NHLRC2: variants seen among roughly 807,000 people sequenced by gnomAD.
NHLRC2 encodes the protein NHL repeat containing 2, also known as NHL repeat-containing protein 2.
NHLRC2 carries 33 observed loss-of-function variants against 68.1 expected under a neutral mutation model. The ratio of observed to expected loss-of-function variants is 0.48; its 90% CI spans 0.37 to 0.65. The LOEUF (loss-of-function observed/expected upper bound fraction) is 0.65. NHLRC2 is among the 30% of genes least tolerant of loss of function. The pLI, the probability that NHLRC2 is intolerant of heterozygous loss-of-function variation, is 0.00. For synonymous variants in NHLRC2, 311 were observed against 309.6 expected, an observed-to-expected ratio of 1.00 and a Z score of -0.05; for missense variants, 761 against 853.8, an observed-to-expected ratio of 0.89 and a Z score of 1.35.
rs1258132070 is a variant in NHLRC2, at chr10:113,908,348, A to G, written c.1993A>G (p.Ile665Val). The part of the protein sequence containing the change: ...DIENISSQPT[I>V]SLQIPDDCLS... ...AGAGAACATTTCCAGTCAACCAACA[A>G]TTTCACTACAAATTCCTGATGATTG... is the stretch of plus-strand genomic sequence containing the variant. Residue 665 changes from isoleucine to valine, a missense_variant, in exon 11 of 11, where the codon ATT becomes GTT. Coordinates refer to ENST00000369301, the MANE Select transcript of NHLRC2 (RefSeq NM_198514.4). 1.9e-6 allele frequency: 3 copies of G among 1,613,822 alleles called. No individual in the cohort carries two copies. The highest frequency in any genetic ancestry group is 1.3e-5 in the African/African-American group (1 of 75,042).
intron 2 of NHLRC2, among the ~76,000 whole-genome samples, chr10:113,861,989 C>T (rs539575233): frequency 9.9e-5 from 15 of 152,164 alleles, no homozygotes; most frequent in Non-Finnish European, 1.9e-4. Flanking sequence ...TGTCCTGCCT[C>T]AGCCTCCCAA....
chr10:113,901,032 A>G (rs1201499307), intron 6 of NHLRC2, among the ~76,000 whole-genome samples: 4 of 152,224 alleles, frequency 2.6e-5, no homozygotes, highest in Non-Finnish European at 4.4e-5. Flanking sequence ...TTCCTTAAAT[A>G]GAAATTTCCC....
chr10:113,878,562 C>G (rs1237733710), intron 3 of NHLRC2, among the ~76,000 whole-genome samples: 4 of 152,114 alleles, frequency 2.6e-5, no homozygotes, highest in African/African-American at 9.7e-5. Flanking sequence ...GAGTCTCACT[C>G]TGTTGCCCAG....
chr10:113,889,116 T>C (rs1458044117), intron 5 of NHLRC2, among the ~76,000 whole-genome samples: 1 of 152,060 alleles, frequency 6.6e-6, no homozygotes, highest in Admixed American at 6.6e-5. Context: ...TATGAGCCAC[T>C]GCGCCCAGCC....
At chr10:113,889,487 A>G (rs1846112742) in intron 5 of NHLRC2, among the ~76,000 whole-genome samples, 1 of 152,232 alleles carries the variant, frequency 6.6e-6, no homozygotes, top group Non-Finnish European at 1.5e-5. Context: ...TTTTGTTAAA[A>G]TAAGTTATAT....
intron 2 of NHLRC2, among the ~76,000 whole-genome samples, chr10:113,873,883 A>G (rs932906445): frequency 6.6e-6 from 1 of 152,178 alleles, no homozygotes; most frequent in East Asian, 1.9e-4. Context: ...TGCCTTGCAT[A>G]TCTTTTTCTA....
At chr10:113,872,027 C>T (rs952921702) in intron 2 of NHLRC2, among the ~76,000 whole-genome samples, 2 of 152,124 alleles carry the variant, frequency 1.3e-5, no homozygotes, top group Non-Finnish European at 2.9e-5. Flanking sequence ...ACAGAATAGT[C>T]TCCTTACCCC....
At chr10:113,879,797 C>A in intron 4 of NHLRC2, 102 bp downstream of exon 4, 1 of 725,450 alleles carries the variant, frequency 1.4e-6, no homozygotes, top group Non-Finnish European at 2.2e-6. Flanking sequence ...TTATGTATGT[C>A]AATGTCCTTG....
intron 2 of NHLRC2, among the ~76,000 whole-genome samples, chr10:113,869,642 C>T (rs558589168): frequency 2.6e-5 from 4 of 152,230 alleles, no homozygotes; most frequent in Admixed American, 2.6e-4. Context: ...TCACATCTCA[C>T]TTCAGTCATC....
intron 6 of NHLRC2, 121 bp downstream of exon 6, chr10:113,898,330 C>A: frequency 1.7e-6 from 1 of 572,418 alleles, no homozygotes; most frequent in Non-Finnish European, 3.2e-6. Flanking sequence ...TGCCATAGCA[C>A]ACAACGCAGA....
chr10:113,898,149 T>C lies in NHLRC2; in HGVS notation c.1079T>C (p.Met360Thr), dbSNP rs1283504669. The change falls in exon 6 of 11, where the codon ATG becomes ACG. Residue 360 changes from methionine to threonine, a missense_variant. Physicochemically the swap from Met to Thr is moderately conservative, Grantham distance 81. Transcript: ENST00000369301. ...VQRGDILWIA[M>T]AGTHQIWALL... ...AGAGGTGACATTTTATGGATAGCCA[T>C]GGCAGGGACTCATCAGATATGGGCA... The C allele has an allele frequency of 1.2e-6, 2 of 1,612,938 alleles. No homozygotes were observed. Among genetic ancestry groups the C allele is most frequent in the African/African-American group, 2.7e-5 (2 of 74,924 alleles).
chr10:113,898,399 G>A (rs900184267), intron 6 of NHLRC2, among the ~76,000 whole-genome samples, 190 bp downstream of exon 6: 9 of 152,218 alleles, frequency 5.9e-5, no homozygotes, highest in Admixed American at 1.3e-4. Flanking sequence ...TCACTGGGGA[G>A]CACTCCTCTG....
intron 6 of NHLRC2, among the ~76,000 whole-genome samples, chr10:113,900,816 CAGTA>C (rs1846221260): frequency 6.6e-6 from 1 of 152,068 alleles, no homozygotes; most frequent in African/African-American, 2.4e-5. Context: ...ACATATTAGC[CAGTA>C]AGTGATGGTG....
intron 5 of NHLRC2, among the ~76,000 whole-genome samples, chr10:113,895,069 A>G (rs952504203): frequency 6.6e-6 from 1 of 152,230 alleles, no homozygotes; most frequent in Non-Finnish European, 1.5e-5. Flanking sequence ...AAATATCCAC[A>G]GCATTTTTTA....
chr10:113,888,859 C>T (rs1321659898), intron 5 of NHLRC2, among the ~76,000 whole-genome samples: 1 of 148,268 alleles, frequency 6.7e-6, no homozygotes, highest in Non-Finnish European at 1.5e-5. Flanking sequence ...CTGAGGCTCG[C>T]CATATCACCT....
intron 2 of NHLRC2, among the ~76,000 whole-genome samples, chr10:113,859,254 T>G (rs892078649): frequency 1.3e-5 from 2 of 152,172 alleles, no homozygotes; most frequent in African/African-American, 4.8e-5. Context: ...TAGGAGATTA[T>G]ACTTATTGGC....
At chr10:113,896,695 A>G (rs115462169) in intron 5 of NHLRC2, among the ~76,000 whole-genome samples, 113 of 152,228 alleles carry the variant, frequency 7.4e-4, no homozygotes, top group African/African-American at 2.4e-3. Flanking sequence ...AAAAGAAAAA[A>G]AAGTATTTGA....
Position 113,911,446 on chromosome 10 carries a change from A to G in NHLRC2, c.*2910A>G, listed in dbSNP as rs1846327924. On this transcript the variant is annotated 3_prime_UTR_variant, in exon 11 of 11. Transcript: ENST00000369301. ...TAATATTTAGTTATAATATTATCAAACCTTCAGAAAGTTATAAATCCTAAC... is the reference window on the plus strand; with the variant it reads ...TAATATTTAGTTATAATATTATCAAGCCTTCAGAAAGTTATAAATCCTAAC... The G allele has an allele frequency of 6.6e-6, 1 of 152,100 alleles. No homozygotes were observed. The highest frequency in any genetic ancestry group is 1.5e-5 in the Non-Finnish European group (1 of 67,972). 9.4% of individuals were successfully genotyped at this position (152,100 alleles called of 1,614,324 possible).
chr10:113,891,232 A>G (rs1481615893), intron 5 of NHLRC2, among the ~76,000 whole-genome samples: 1 of 152,168 alleles, frequency 6.6e-6, no homozygotes, highest in African/African-American at 2.4e-5. Context: ...GAAATTCCTT[A>G]TCTATTTAGG....
Sources: gnomAD v4.1 joint callset for allele counts (sites outside exome capture counted in the v4.1 genomes callset) on GRCh38, gnomAD v4.1.1 for gene constraint, MANE v1.5 for transcripts, NCBI Gene and HGNC (gene_info 2026-07-23, HGNC 2026-07-21) for gene names.